The following UNC5D variants were observed in gnomAD, a reference collection of about 807,000 sequenced individuals.
UNC5D encodes the protein netrin receptor UNC5D.
UNC5D carries 39 observed loss-of-function variants against 105.4 expected under a neutral mutation model. The observed-to-expected ratio is 0.37, with a 90% CI of 0.29 to 0.48. The LOEUF is 0.48. Ranked by LOEUF, UNC5D falls within the 20% of genes least tolerant of loss-of-function variation. The pLI, the probability that UNC5D is intolerant of heterozygous loss-of-function variation, is 0.98. For missense variants in UNC5D, 991 were observed against 1,202.4 expected, an observed-to-expected ratio of 0.82 and a Z score of 2.60; for synonymous variants, 452 against 450.4, an observed-to-expected ratio of 1.00 and a Z score of -0.04.
chr8:35,622,347 C>T (rs1271683798), intron 4 of UNC5D, among the ~76,000 whole-genome samples: 1 of 142,472 alleles, frequency 7.0e-6, no homozygotes, highest in Non-Finnish European at 1.6e-5. Flanking sequence ...TGTCTCAAAA[C>T]AAACAAACAA....
intron 16 of UNC5D, among the ~76,000 whole-genome samples, chr8:35,784,546 G>A (rs777463162): frequency 1.5e-4 from 23 of 152,090 alleles, no homozygotes; most frequent in Admixed American, 2.6e-4. Flanking sequence ...CCAGGAGTTC[G>A]AGACCAGCCT....
chr8:35,776,236 T>G (rs1449487591), intron 16 of UNC5D, among the ~76,000 whole-genome samples: 1 of 152,244 alleles, frequency 6.6e-6, no homozygotes, highest in Non-Finnish European at 1.5e-5. Context: ...GAAATGCAAT[T>G]GAATCTAAAC....
chr8:35,577,128 AC>A (rs1818149967), intron 3 of UNC5D, among the ~76,000 whole-genome samples: 1 of 152,086 alleles, frequency 6.6e-6, no homozygotes, highest in Admixed American at 6.5e-5. Context: ...CAGATATGAT[AC>A]CCCCTTGTTT....
intron 1 of UNC5D, among the ~76,000 whole-genome samples, chr8:35,441,871 C>A (rs1395355006): frequency 6.6e-6 from 1 of 151,620 alleles, no homozygotes; most frequent in African/African-American, 2.4e-5. Context: ...GGACAACCAA[C>A]AAGAAGCAGA....
chr8:35,513,542 A>C (rs12334629), intron 1 of UNC5D, among the ~76,000 whole-genome samples: 23,624 of 151,966 alleles, frequency 0.16, 2,356 homozygotes, highest in East Asian at 0.27. Flanking sequence ...CCCTTCCTCA[A>C]CAAGCTATTC....
intron 7 of UNC5D, among the ~76,000 whole-genome samples, chr8:35,696,775 A>G (rs1438506200): frequency 6.6e-6 from 1 of 152,200 alleles, no homozygotes; most frequent in African/African-American, 2.4e-5. Flanking sequence ...AATAGACGCT[A>G]TCATTAACTC....
At chr8:35,575,679 A>G (rs1586167234) in intron 3 of UNC5D, among the ~76,000 whole-genome samples, 1 of 152,174 alleles carries the variant, frequency 6.6e-6, no homozygotes, top group Non-Finnish European at 1.5e-5. Flanking sequence ...GGTATAAATC[A>G]TACAAAAGCT....
chr8:35,517,284 G>C (rs1208390916), intron 1 of UNC5D, among the ~76,000 whole-genome samples: 1 of 152,170 alleles, frequency 6.6e-6, no homozygotes, highest in East Asian at 1.9e-4. Context: ...AAAGAATTTG[G>C]GAACCAGGCA....
At position 35,793,619 on chromosome 8, in the gene UNC5D, T is replaced by C. The variant is rs1234223125; in HGVS notation, c.*3056T>C. 6.5e-6 allele frequency: 1 copy of C among 153,320 alleles called. No homozygotes were observed. The highest frequency in any genetic ancestry group is 2.4e-5 in the African/African-American group (1 of 41,466). The allele number at this position is 153,320 out of a possible 1,614,324, so 9.5% of individuals were successfully genotyped here. Reference sequence around the variant, plus strand: ...CCACCAAAATGGTGCACTTCACAGATTCACCAGACTGTAGCATCATAAAGT... The same window carrying C: ...CCACCAAAATGGTGCACTTCACAGACTCACCAGACTGTAGCATCATAAAGT... On this transcript the variant is annotated 3_prime_UTR_variant, in exon 17 of 17. Transcript: ENST00000404895.
At chr8:35,477,024 A>G (rs1810150925) in intron 1 of UNC5D, among the ~76,000 whole-genome samples, 1 of 152,144 alleles carries the variant, frequency 6.6e-6, no homozygotes, top group Non-Finnish European at 1.5e-5. Context: ...GTTTAGCATC[A>G]TCTGTCCATT....
intron 1 of UNC5D, among the ~76,000 whole-genome samples, chr8:35,426,376 T>C (rs1806249013): frequency 6.6e-6 from 1 of 152,156 alleles, no homozygotes; most frequent in Non-Finnish European, 1.5e-5. Context: ...TTAGGGAAAA[T>C]AAAGATGTAA....
chr8:35,775,886 A>C (rs1397118979), intron 16 of UNC5D, among the ~76,000 whole-genome samples: 1 of 152,206 alleles, frequency 6.6e-6, no homozygotes, highest in Non-Finnish European at 1.5e-5. Context: ...GAGACAGGCA[A>C]GCCCGAAAAG....
chr8:35,722,537 G>C, intron 9 of UNC5D, 142 bp downstream of exon 9: 1 of 1,094,814 alleles, frequency 9.1e-7, no homozygotes, highest in Non-Finnish European at 1.3e-6. Context: ...CACATGAACA[G>C]ACCGGGCTGG....
intron 1 of UNC5D, among the ~76,000 whole-genome samples, chr8:35,249,012 ATAT>A: frequency 1.6e-5 from 1 of 61,462 alleles, no homozygotes; most frequent in African/African-American, 5.0e-5. Flanking sequence ...CATATATAAT[ATAT>A]ATTATATATG....
chr8:35,577,087 AT>A (rs990913226), intron 3 of UNC5D, among the ~76,000 whole-genome samples: 2 of 152,084 alleles, frequency 1.3e-5, no homozygotes, highest in Non-Finnish European at 2.9e-5. Flanking sequence ...AGAAAATTAA[AT>A]TTTTTTCAGA....
In UNC5D at chr8:35,566,665, A is replaced by G. The variant is rs148569077; in HGVS notation, c.323-1433A>G. On this transcript the variant is annotated intron_variant, in intron 2 of 16. Coordinates refer to ENST00000404895, the MANE Select transcript of UNC5D (RefSeq NM_080872.4). ...CAAATGACGTAGCCTCCTGAGTCAT[A>G]GTTCTTTCCTCTGCAAAGTAGGGAC... Among the ~76,000 whole-genome samples, 4 of 152,342 alleles carry G rather than the reference A, an allele frequency of 2.6e-5. No homozygotes were observed. In the East Asian group the frequency reaches 7.7e-4, roughly 29 times the overall value.
At chr8:35,416,791 G>T (rs1369602806) in intron 1 of UNC5D, among the ~76,000 whole-genome samples, 2 of 152,104 alleles carry the variant, frequency 1.3e-5, no homozygotes, top group Non-Finnish European at 2.9e-5. Context: ...AACTTAATCT[G>T]AAAGGAAGCC....
chr8:35,665,641 T>A lies in UNC5D; in HGVS notation c.571-17906T>A, dbSNP rs987970918. Among the ~76,000 whole-genome samples the A allele has an allele frequency of 8.9e-5, 8 of 89,572 alleles. No homozygotes were observed. In the East Asian group the frequency reaches 1.2e-3, roughly 13 times the overall value. The allele number at this position is 89,572 out of a possible 152,430, so 58.8% of individuals were successfully genotyped here. On this transcript the variant is annotated intron_variant, in intron 4 of 16. Coordinates refer to ENST00000404895, the MANE Select transcript of UNC5D (RefSeq NM_080872.4). ...ATGAGGTAGGGGAGAGAAGGTGCCA[T>A]TTTTTTTTTTTTTTTTGCATTTTGC...
At chr8:35,381,055 G>A (rs545586763) in intron 1 of UNC5D, among the ~76,000 whole-genome samples, 1 of 152,038 alleles carries the variant, frequency 6.6e-6, no homozygotes, top group South Asian at 2.1e-4. Context: ...GAGAGAGAGA[G>A]TAAGTGAGTG....
Sources: gnomAD v4.1 joint callset for allele counts (sites outside exome capture counted in the v4.1 genomes callset) on GRCh38, gnomAD v4.1.1 for gene constraint, MANE v1.5 for transcripts, NCBI Gene and HGNC (gene_info 2026-07-23, HGNC 2026-07-21) for gene names.